TMEM150C: variants seen among roughly 807,000 people sequenced by gnomAD.
TMEM150C encodes transmembrane protein 150C, also known as tentonin 3.
In TMEM150C, 10 loss-of-function variants were observed where a neutral mutation model predicts 29.9. That is an observed-to-expected ratio of 0.33 (90% confidence interval 0.21 to 0.57). The LOEUF is 0.57. Among genes scored for constraint, TMEM150C ranks in the 20% least tolerant of loss-of-function variants. The pLI is 0.88. For synonymous variants in TMEM150C, 101 were observed against 112.5 expected (o/e 0.90, Z 0.64); for missense variants, 251 against 303.6 (o/e 0.83, Z 1.29).
chr4:82,507,725 CTCTTTTTTTTTT>C (rs1411114616), intron 1 of TMEM150C, among the ~76,000 whole-genome samples: 93 of 27,812 alleles, frequency 3.3e-3, no homozygotes, highest in African/African-American at 0.022. Flanking sequence ...CTCTCTCTCT[CTCTTTTTTTTTT>C]TTTTTTTTTT....
intron 1 of TMEM150C, among the ~76,000 whole-genome samples, chr4:82,529,659 G>A (rs1260618788): frequency 1.3e-5 from 2 of 152,176 alleles, no homozygotes; most frequent in African/African-American, 4.8e-5. Context: ...CTGGAGAGAG[G>A]TCAAGGGATT....
chr4:82,519,221 G>A (rs1482064900), intron 1 of TMEM150C, among the ~76,000 whole-genome samples: 1 of 151,982 alleles, frequency 6.6e-6, no homozygotes, highest in Non-Finnish European at 1.5e-5. Flanking sequence ...CCTACAACAT[G>A]GTTTTCTGAA....
intron 1 of TMEM150C, among the ~76,000 whole-genome samples, chr4:82,552,489 T>C (rs1481950026): frequency 1.3e-5 from 2 of 152,128 alleles, no homozygotes; most frequent in Admixed American, 1.3e-4. Flanking sequence ...CTAAGCTAGG[T>C]GTCCACTGGC....
chr4:82,537,142 C>T (rs1262478537), intron 1 of TMEM150C, among the ~76,000 whole-genome samples: 6 of 152,034 alleles, frequency 3.9e-5, no homozygotes, highest in South Asian at 2.1e-4. Flanking sequence ...CCACCACACC[C>T]GGCTAATTTT....
chr4:82,540,358 C>T (rs1725162009), intron 1 of TMEM150C, among the ~76,000 whole-genome samples: 3 of 151,522 alleles, frequency 2.0e-5, no homozygotes, highest in Admixed American at 2.0e-4. Context: ...GCAATCCTCC[C>T]CACACCTCAG....
At chr4:82,536,287 G>A (rs1049513546) in intron 1 of TMEM150C, among the ~76,000 whole-genome samples, 5 of 150,886 alleles carry the variant, frequency 3.3e-5, no homozygotes, top group Non-Finnish European at 7.4e-5. Flanking sequence ...GAACCCGGGA[G>A]GCGGAGGTTG....
At chr4:82,503,717 G>C (rs1723809048) in intron 2 of TMEM150C, among the ~76,000 whole-genome samples, 1 of 152,110 alleles carries the variant, frequency 6.6e-6, no homozygotes, top group Non-Finnish European at 1.5e-5. Flanking sequence ...GGGTGTGGTG[G>C]TGGGCGCCTG....
Position 82,502,920 on chromosome 4 carries a change from C to A in TMEM150C, c.142G>T (p.Gly48Cys). ...CTTATATATGGTGCATGCTTCACAC[C>A]AGGTTTCCTGGATAATAAAAAAAAA... The part of the protein sequence containing the change: ...LPLNSAERKP[G>C]VKHAPYISIA... Residue 48 changes from glycine (G) to cysteine (C), a missense_variant, in exon 4 of 8, where the codon GGT becomes TGT. Physicochemically the swap from Gly to Cys is radical, Grantham distance 159. Coordinates refer to ENST00000449862, the MANE Select transcript of TMEM150C (RefSeq NM_001080506.3). 6.3e-7 allele frequency: 1 copy of A among 1,593,948 alleles called. No individual in the cohort carries two copies.
intron 1 of TMEM150C, among the ~76,000 whole-genome samples, chr4:82,542,983 A>G (rs955884887): frequency 3.3e-5 from 5 of 152,362 alleles, no homozygotes; most frequent in Non-Finnish European, 5.9e-5. Flanking sequence ...CATGCACTGT[A>G]TTAATGACTG....
chr4:82,524,172 G>C (rs2110079895), intron 1 of TMEM150C, among the ~76,000 whole-genome samples: 1 of 151,882 alleles, frequency 6.6e-6, no homozygotes, highest in Middle Eastern at 3.4e-3. Flanking sequence ...GAAGGCTGAG[G>C]CAGGAGAATG....
At chr4:82,518,947 T>C (rs1221866107) in intron 1 of TMEM150C, among the ~76,000 whole-genome samples, 1 of 152,230 alleles carries the variant, frequency 6.6e-6, no homozygotes, top group East Asian at 1.9e-4. Flanking sequence ...AAATCAGTTA[T>C]ACTCCCCCCA....
intron 7 of TMEM150C, among the ~76,000 whole-genome samples, chr4:82,488,554 T>C (rs1035240062): frequency 6.6e-6 from 1 of 152,224 alleles, no homozygotes; most frequent in Non-Finnish European, 1.5e-5. Context: ...CCTTGATTCC[T>C]TTCTCTGGTT....
intron 1 of TMEM150C, among the ~76,000 whole-genome samples, chr4:82,556,738 C>T (rs1386684743): frequency 6.6e-6 from 1 of 151,960 alleles, no homozygotes; most frequent in Non-Finnish European, 1.5e-5. Context: ...ATCTTAGAGG[C>T]TTTACCATGC....
intron 7 of TMEM150C, among the ~76,000 whole-genome samples, chr4:82,486,385 T>C (rs1723163122): frequency 7.5e-6 from 1 of 132,592 alleles, no homozygotes; most frequent in Non-Finnish European, 1.6e-5. Context: ...TGCAAATGAC[T>C]ATGAATTCAT....
At chr4:82,508,071 G>A (rs1454956194) in intron 1 of TMEM150C, among the ~76,000 whole-genome samples, 2 of 152,000 alleles carry the variant, frequency 1.3e-5, no homozygotes, top group Non-Finnish European at 2.9e-5. Context: ...GTTAAAAGTA[G>A]GAGATGGATC....
intron 1 of TMEM150C, among the ~76,000 whole-genome samples, chr4:82,515,464 C>T (rs373509369): frequency 1.6e-4 from 25 of 152,130 alleles, no homozygotes; most frequent in African/African-American, 5.3e-4. Flanking sequence ...CTTGGCCGGG[C>T]GCGGTGGCTC....
intron 1 of TMEM150C, among the ~76,000 whole-genome samples, chr4:82,511,391 T>C (rs1724117457): frequency 2.0e-5 from 3 of 152,026 alleles, no homozygotes; most frequent in South Asian, 4.1e-4. Flanking sequence ...TAGATGACTA[T>C]AGGACTATAG....
In TMEM150C at chr4:82,492,882, A is replaced by G. The variant is rs553222524; in HGVS notation, c.364-2644T>C. On this transcript the variant is annotated intron_variant, in intron 6 of 7. Transcript: ENST00000449862. The stretch of plus-strand genomic sequence containing the variant: ...TGTTTGTGTATATATATATATATAT[A>G]TATATATATATATATATGTATTTGA... Among the ~76,000 whole-genome samples, 919 of 140,642 alleles carry G rather than the reference A, an allele frequency of 6.5e-3. 62 individuals are homozygous for G. Among genetic ancestry groups the G allele is most frequent in the Admixed American group, 0.06 (837 of 13,856 alleles). 92.3% of individuals were successfully genotyped at this position (140,642 alleles called of 152,430 possible). A position where few individuals can be genotyped will look rare whatever the true frequency, so the allele number is the denominator to read the frequency against.
intron 6 of TMEM150C, among the ~76,000 whole-genome samples, chr4:82,494,143 CA>C (rs1723461174): frequency 6.6e-6 from 1 of 152,186 alleles, no homozygotes; most frequent in South Asian, 2.1e-4. Context: ...ATTCAACAGA[CA>C]GGGGGAAGAG....
Sources: gnomAD v4.1 joint callset for allele counts (sites outside exome capture counted in the v4.1 genomes callset) on GRCh38, gnomAD v4.1.1 for gene constraint, MANE v1.5 for transcripts, NCBI Gene and HGNC (gene_info 2026-07-23, HGNC 2026-07-21) for gene names.